The following MESD variants were observed in gnomAD, a reference collection of about 807,000 sequenced individuals.
The protein encoded by MESD is LRP chaperone MESD.
Under a neutral mutation model 12.9 loss-of-function variants are expected in MESD, and 7 were observed. The observed-to-expected ratio is 0.54, with a 90% CI of 0.31 to 1.02. The LOEUF is 1.02. Among genes scored for constraint, MESD ranks in the 50% least tolerant of loss-of-function variants. MESD has a pLI of 0.05. For missense variants in MESD, 342 were observed against 296.7 expected, an observed-to-expected ratio of 1.15 and a Z score of -1.12; for synonymous variants, 126 against 115.6, an observed-to-expected ratio of 1.09 and a Z score of -0.58.
At chr15:80,959,336 A>AC (rs952793598) in intron 3 of MESD, among the ~76,000 whole-genome samples, 2 of 152,010 alleles carry the variant, frequency 1.3e-5, no homozygotes, top group African/African-American at 4.8e-5. Flanking sequence ...CAGTGCATTC[A>AC]CTCCTTTTGG....
chr15:80,983,858 A>C (rs1010928544), intron 1 of MESD, among the ~76,000 whole-genome samples: 1 of 151,954 alleles, frequency 6.6e-6, no homozygotes, highest in African/African-American at 2.4e-5. Flanking sequence ...CATAATGATC[A>C]AAACAAATGA....
downstream of MESD, among the ~76,000 whole-genome samples, chr15:80,975,075 C>G (rs1902375246): frequency 6.6e-6 from 1 of 151,800 alleles, no homozygotes; most frequent in Non-Finnish European, 1.5e-5. Flanking sequence ...TCCAGTGGAG[C>G]CATGTGTAAG....
chr15:80,967,211 G>C (rs746811203), intron 3 of MESD, among the ~76,000 whole-genome samples: 3 of 152,088 alleles, frequency 2.0e-5, no homozygotes, highest in Non-Finnish European at 4.4e-5. Flanking sequence ...AGAATCACTT[G>C]AACCCGGGAG....
chr15:80,976,411 C>G lies in MESD; in HGVS notation c.*2808G>C, dbSNP rs1902418852. 1 of 152,460 alleles carries G rather than the reference C, an allele frequency of 6.6e-6. No homozygotes were observed. The highest frequency in any genetic ancestry group is 1.5e-5 in the Non-Finnish European group (1 of 68,178). The allele number at this position is 152,460 out of a possible 1,614,324, so 9.4% of individuals were successfully genotyped here. ...AGGCTGGGGCTGGAAATGTTTAAAT[C>G]TTATCCACATGTCTGTGCCTGGGCT... On this transcript the variant is annotated 3_prime_UTR_variant, in exon 3 of 3. Coordinates refer to ENST00000261758, the MANE Select transcript of MESD (RefSeq NM_015154.3).
exon 5 of MESD, chr15:80,947,429 T>C: frequency 3.6e-6 from 1 of 276,386 alleles, no homozygotes; most frequent in Non-Finnish European, 7.1e-6. Context: ...CCAGGGGTCC[T>C]GCATCTTCTT....
At chr15:80,970,183 G>C (rs1408977228) in intron 3 of MESD, among the ~76,000 whole-genome samples, 3 of 152,174 alleles carry the variant, frequency 2.0e-5, no homozygotes, top group African/African-American at 7.2e-5. Flanking sequence ...GCAAATTAGA[G>C]ACACATGGTG....
chr15:80,980,640 T>TA (rs372541685), intron 2 of MESD, among the ~76,000 whole-genome samples: 91 of 150,868 alleles, frequency 6.0e-4, no homozygotes, highest in African/African-American at 1.9e-3. Context: ...ACTGAGATAT[T>TA]AAAAAAAAAC....
intron 3 of MESD, among the ~76,000 whole-genome samples, chr15:80,957,010 A>G (rs1407019211): frequency 1.3e-5 from 2 of 151,978 alleles, no homozygotes; most frequent in African/African-American, 4.8e-5. Flanking sequence ...TTTTTTGTAG[A>G]GATGGGGTCT....
At chr15:80,984,120 C>T (rs1001049463) in intron 1 of MESD, among the ~76,000 whole-genome samples, 5 of 152,054 alleles carry the variant, frequency 3.3e-5, no homozygotes, top group African/African-American at 4.8e-5. Context: ...AGGATGGTCT[C>T]GATCTCCTGA....
intron 1 of MESD, among the ~76,000 whole-genome samples, chr15:80,984,781 A>C (rs1360605134): frequency 2.0e-5 from 3 of 152,242 alleles, no homozygotes; most frequent in African/African-American, 2.4e-5. Flanking sequence ...ACCAAAACAA[A>C]AAACAAAAAA....
chr15:80,970,551 A>G (rs970239702), intron 3 of MESD: 9 of 152,128 alleles, frequency 5.9e-5, no homozygotes, highest in African/African-American at 1.9e-4. Context: ...GACATCAAAA[A>G]CGTGTTCTTC....
chr15:80,974,492 T>C (rs1902360840), downstream of MESD, among the ~76,000 whole-genome samples: 1 of 152,110 alleles, frequency 6.6e-6, no homozygotes, highest in South Asian at 2.1e-4. Flanking sequence ...GATTCTCCAT[T>C]TGGATTTTTT....
chr15:80,967,457 C>A (rs1250583342), intron 3 of MESD, among the ~76,000 whole-genome samples: 1 of 152,278 alleles, frequency 6.6e-6, no homozygotes, highest in East Asian at 1.9e-4. Flanking sequence ...TTCTTCCAGA[C>A]CCTGGCATGT....
At chr15:80,987,267 G>T (rs1016534921) in intron 1 of MESD, among the ~76,000 whole-genome samples, 4 of 152,086 alleles carry the variant, frequency 2.6e-5, no homozygotes, top group Non-Finnish European at 5.9e-5. Context: ...CACAAGAGGA[G>T]AAGAACTGCT....
intron 1 of MESD, among the ~76,000 whole-genome samples, chr15:80,983,487 G>T (rs1176177449): frequency 6.6e-6 from 1 of 152,164 alleles, no homozygotes; most frequent in African/African-American, 2.4e-5. Flanking sequence ...CTTCTGGGAA[G>T]TAAGTTACAA....
chr15:80,961,293 A>G (rs1902083719), intron 3 of MESD, among the ~76,000 whole-genome samples: 1 of 149,972 alleles, frequency 6.7e-6, no homozygotes, highest in African/African-American at 2.5e-5. Flanking sequence ...AAAAAAGGAA[A>G]AGAAAAGAAA....
intron 4 of MESD, chr15:80,949,020 A>G (rs1041844049): frequency 6.5e-7 from 1 of 1,532,974 alleles, no homozygotes; most frequent in South Asian, 1.1e-5. Flanking sequence ...AGCCCCTGCC[A>G]GCAGCTGCCT....
At chr15:80,986,036 AC>A (rs1236336374) in intron 1 of MESD, among the ~76,000 whole-genome samples, 8 of 152,032 alleles carry the variant, frequency 5.3e-5, no homozygotes, top group Non-Finnish European at 1.2e-4. Flanking sequence ...GTTTCAAGAG[AC>A]TTAAAAAAAA....
chr15:80,957,505 G>A (rs138587088), intron 3 of MESD, among the ~76,000 whole-genome samples: 1 of 152,256 alleles, frequency 6.6e-6, no homozygotes, highest in Non-Finnish European at 1.5e-5. Context: ...AGCGTGGTCA[G>A]TTTTTAGAGA....
Sources: gnomAD v4.1 joint callset for allele counts (sites outside exome capture counted in the v4.1 genomes callset) on GRCh38, gnomAD v4.1.1 for gene constraint, MANE v1.5 for transcripts, NCBI Gene and HGNC (gene_info 2026-07-23, HGNC 2026-07-21) for gene names.